The following LAMA2 variants were observed in gnomAD, a reference collection of about 807,000 sequenced individuals.
LAMA2 encodes the protein laminin subunit alpha-2.
LAMA2 carries 269 observed loss-of-function variants against 364.8 expected under a neutral mutation model. The observed-to-expected ratio is 0.74, with a 90% CI of 0.67 to 0.82. The LOEUF is 0.82. LAMA2 is among the 40% of genes least tolerant of loss of function. The pLI is 0.00. For synonymous variants in LAMA2, 1,379 were observed against 1,370.6 expected, an observed-to-expected ratio of 1.01 and a Z score of -0.14; for missense variants, 3,807 against 3,873.2, an observed-to-expected ratio of 0.98 and a Z score of 0.45.
intron 2 of LAMA2, among the ~76,000 whole-genome samples, chr6:129,058,378 A>G (rs1439232779): frequency 6.6e-6 from 1 of 152,174 alleles, no homozygotes; most frequent in Non-Finnish European, 1.5e-5. Context: ...AGGGAGCTGC[A>G]ACAAAGGTCA....
At chr6:129,492,219 C>A in intron 57 of LAMA2, 96 bp from the exon 58 acceptor site, 2 of 1,439,042 alleles carry the variant, frequency 1.4e-6, no homozygotes, top group Non-Finnish European at 2.0e-6. Context: ...GAGAAAAGCA[C>A]ACTAATGGAC....
intron 18 of LAMA2, among the ~76,000 whole-genome samples, chr6:129,280,392 G>A (rs767738591): frequency 2.0e-5 from 3 of 152,142 alleles, no homozygotes; most frequent in Non-Finnish European, 2.9e-5. Context: ...TAATCTTAAA[G>A]GTTAAGTATT....
chr6:129,195,753 A>G (rs1238832045), intron 12 of LAMA2, among the ~76,000 whole-genome samples: 1 of 152,228 alleles, frequency 6.6e-6, no homozygotes, highest in Non-Finnish European at 1.5e-5. Flanking sequence ...TGTTTAAGCA[A>G]CTAGGCAGCA....
At chr6:129,158,933 C>T in intron 8 of LAMA2, 1 of 1,598,252 alleles carries the variant, frequency 6.3e-7, no homozygotes, top group South Asian at 1.1e-5. Flanking sequence ...GTGCCCTCAG[C>T]AATAGCACTT....
Position 129,004,452 on chromosome 6 carries a change from AT to A in LAMA2, c.113-45462del, listed in dbSNP as rs1784315196. On this transcript the variant is annotated intron_variant, in intron 1 of 64. Coordinates refer to ENST00000421865, the MANE Select transcript of LAMA2 (RefSeq NM_000426.4). The stretch of plus-strand genomic sequence containing the variant: ...AAAAGAAGTATGATGACAAATGGTC[AT>A]TTTCCTTAAAATAAAATCATATATC... 2.0e-5 allele frequency among the ~76,000 whole-genome samples: 3 copies of A among 148,166 alleles called. No individual in the cohort carries two copies. In the Admixed American group the frequency reaches 2.0e-4, roughly 10 times the overall value.
chr6:129,363,727 G>C (rs1043358317), intron 32 of LAMA2, among the ~76,000 whole-genome samples: 1 of 152,162 alleles, frequency 6.6e-6, no homozygotes, highest in Non-Finnish European at 1.5e-5. Flanking sequence ...ATACTAGGGG[G>C]TGTGGACCAG....
chr6:129,252,337 T>C, intron 14 of LAMA2, 42 bp downstream of exon 14: 2 of 1,528,610 alleles, frequency 1.3e-6, no homozygotes, highest in East Asian at 4.5e-5. Context: ...CACATTTACT[T>C]TGGGGCCAAG....
chr6:129,440,598 A>G (rs1782056730), intron 42 of LAMA2, among the ~76,000 whole-genome samples: 1 of 152,158 alleles, frequency 6.6e-6, no homozygotes, highest in Admixed American at 6.5e-5. Context: ...CACTACTTTA[A>G]GAGCTAATCA....
intron 1 of LAMA2, among the ~76,000 whole-genome samples, chr6:129,046,493 C>T (rs766926031): frequency 7.2e-5 from 11 of 152,132 alleles, no homozygotes; most frequent in African/African-American, 1.4e-4. Context: ...TTTACTATCA[C>T]GAGAACAGCA....
chr6:129,036,955 C>T lies in LAMA2; in HGVS notation c.113-12963C>T, dbSNP rs77316436. ...ACATTAACTAGCTGTCTGCAGTGCA[C>T]AGCTGGAAATCATTCTCTTCCACAT... On this transcript the variant is annotated intron_variant, in intron 1 of 64. Coordinates refer to ENST00000421865, the MANE Select transcript of LAMA2 (RefSeq NM_000426.4). 8.8e-3 allele frequency among the ~76,000 whole-genome samples: 1,344 copies of T among 152,318 alleles called. 12 individuals carry two copies. The highest frequency in any genetic ancestry group is 0.014 in the Non-Finnish European group (956 of 68,020).
intron 62 of LAMA2, among the ~76,000 whole-genome samples, chr6:129,511,915 A>G (rs1562640686): frequency 6.6e-6 from 1 of 152,156 alleles, no homozygotes; most frequent in Non-Finnish European, 1.5e-5. Flanking sequence ...AGTGTGCCCC[A>G]CTAAAACTTT....
chr6:128,950,758 T>C (rs1260971845), intron 1 of LAMA2, among the ~76,000 whole-genome samples: 2 of 152,090 alleles, frequency 1.3e-5, no homozygotes, highest in Non-Finnish European at 2.9e-5. Context: ...ACATCATATA[T>C]AACATTAATA....
chr6:129,357,449 G>T (rs187460481), intron 32 of LAMA2, among the ~76,000 whole-genome samples: 15 of 151,958 alleles, frequency 9.9e-5, no homozygotes, highest in Middle Eastern at 3.4e-3. Context: ...CTGCATAGTG[G>T]GGTTTTTGGG....
intron 58 of LAMA2, among the ~76,000 whole-genome samples, chr6:129,496,870 A>T (rs1785231568): frequency 6.6e-6 from 1 of 152,208 alleles, no homozygotes; most frequent in Non-Finnish European, 1.5e-5. Flanking sequence ...ATTAATGGAC[A>T]AATAAGGATA....
At chr6:129,151,160 A>G (rs6928030) in intron 7 of LAMA2, among the ~76,000 whole-genome samples, 10,101 of 152,240 alleles carry the variant, frequency 0.066, 619 homozygotes, top group African/African-American at 0.16. Context: ...GCTGCAGCCT[A>G]CAGACAGAAA....
chr6:128,937,142 A>G (rs1187384761), intron 1 of LAMA2, among the ~76,000 whole-genome samples: 2 of 152,218 alleles, frequency 1.3e-5, no homozygotes, highest in South Asian at 2.1e-4. Context: ...GAAACAAAGC[A>G]TAAGTGAGAA....
intron 4 of LAMA2, among the ~76,000 whole-genome samples, chr6:129,137,752 C>T (rs902069318): frequency 1.1e-4 from 17 of 152,164 alleles, no homozygotes; most frequent in African/African-American, 3.1e-4. Flanking sequence ...TTGGGGACTG[C>T]TATTGATATG....
chr6:129,412,183 G>T (rs1483533212), intron 40 of LAMA2, among the ~76,000 whole-genome samples: 4 of 152,056 alleles, frequency 2.6e-5, no homozygotes, highest in African/African-American at 9.7e-5. Flanking sequence ...GAGATTGTGG[G>T]GTCTGGCTGC....
chr6:128,992,207 T>C (rs1397180252), intron 1 of LAMA2, among the ~76,000 whole-genome samples: 2 of 152,240 alleles, frequency 1.3e-5, no homozygotes, highest in African/African-American at 2.4e-5. Flanking sequence ...TGGCGGCCAG[T>C]GAGCAAGCGC....
Sources: allele counts gnomAD v4.1 joint callset (sites outside exome capture counted in the v4.1 genomes callset), GRCh38; gene constraint gnomAD v4.1.1; transcripts MANE v1.5; gene names NCBI Gene and HGNC (gene_info 2026-07-23, HGNC 2026-07-21).